Variants in DNM3 observed in about 807,000 individuals in gnomAD.
The protein encoded by DNM3 is dynamin-3.
DNM3 carries 47 observed loss-of-function variants against 101.6 expected under a neutral mutation model. The observed-to-expected ratio is 0.46, with a 90% CI of 0.37 to 0.59. The LOEUF (loss-of-function observed/expected upper bound fraction) is 0.59, where lower values mean the gene tolerates loss of function less well. DNM3 is among the 20% of genes least tolerant of loss of function. DNM3 has a pLI of 0.00. For missense variants in DNM3, 849 were observed against 1,085.7 expected, an observed-to-expected ratio of 0.78 and a Z score of 3.06; for synonymous variants, 385 against 387.9, an observed-to-expected ratio of 0.99 and a Z score of 0.09.
At position 172,407,906 on chromosome 1, in the gene DNM3, G is replaced by A. The variant is rs10489282; in HGVS notation, c.*65G>A. On this transcript the variant is annotated 3_prime_UTR_variant, in exon 21 of 21. Transcript: ENST00000627582. Reference sequence around the variant, plus strand: ...TGCGAAAGCAACATATTTGATAACCGTTGCAGTAAATCATGAGTAGTCGCA... The same window carrying A: ...TGCGAAAGCAACATATTTGATAACCATTGCAGTAAATCATGAGTAGTCGCA... 0.062 allele frequency: 99,696 copies of A among 1,609,546 alleles called. 3,472 individuals are homozygous for A. Among genetic ancestry groups the A allele is most frequent in the Middle Eastern group, 0.11 (671 of 6,050 alleles).
chr1:172,245,363 CA>C (rs1225509399), intron 14 of DNM3, among the ~76,000 whole-genome samples: 2 of 152,052 alleles, frequency 1.3e-5, no homozygotes, highest in African/African-American at 4.8e-5. Flanking sequence ...GAAAGTAAGA[CA>C]AAAGCACAAA....
At chr1:171,960,031 C>A (rs1344460323) in intron 2 of DNM3, among the ~76,000 whole-genome samples, 1 of 152,014 alleles carries the variant, frequency 6.6e-6, no homozygotes, top group African/African-American at 2.4e-5. Flanking sequence ...GGACTCTATT[C>A]AAAAATAGGA....
intron 20 of DNM3, among the ~76,000 whole-genome samples, chr1:172,397,623 C>T (rs2070119905): frequency 6.6e-6 from 1 of 152,168 alleles, no homozygotes; most frequent in Non-Finnish European, 1.5e-5. Flanking sequence ...ATAATTAATG[C>T]ATGAAAACTC....
chr1:172,283,441 A>G (rs1415274745), intron 15 of DNM3, among the ~76,000 whole-genome samples: 1 of 152,048 alleles, frequency 6.6e-6, no homozygotes, highest in Non-Finnish European at 1.5e-5. Flanking sequence ...CTTTTCAGTC[A>G]TTCCTCAAGT....
At position 172,085,641 on chromosome 1, in the gene DNM3, T is replaced by C. The variant is rs781079059; in HGVS notation, c.1493+3739T>C. 5.2e-4 allele frequency among the ~76,000 whole-genome samples: 79 copies of C among 152,166 alleles called. 2 individuals carry two copies. Among genetic ancestry groups the C allele is most frequent in the Admixed American group, 1.3e-4 (2 of 15,258 alleles). The stretch of plus-strand genomic sequence containing the variant: ...TTTTCTCACAGTTGAAATGATACAG[T>C]GTGCAGATTTCAGTTCTTGTTATTT... On this transcript the variant is annotated intron_variant, in intron 12 of 20. Coordinates refer to ENST00000627582, the MANE Select transcript of DNM3 (RefSeq NM_015569.5).
At chr1:172,244,522 A>G (rs1288632127) in intron 14 of DNM3, among the ~76,000 whole-genome samples, 1 of 151,684 alleles carries the variant, frequency 6.6e-6, no homozygotes, top group Admixed American at 6.6e-5. Flanking sequence ...AAAACAAACA[A>G]CCCCATCAAA....
intron 13 of DNM3, among the ~76,000 whole-genome samples, chr1:172,113,389 T>G (rs1373198329): frequency 6.6e-6 from 1 of 151,304 alleles, no homozygotes; most frequent in African/African-American, 2.5e-5. Flanking sequence ...ACAGATGTAC[T>G]CAAAGAAACT....
At position 171,948,340 on chromosome 1, in the gene DNM3, G is replaced by A. The variant is rs148979713; in HGVS notation, c.235+26519G>A. Among the ~76,000 whole-genome samples the A allele has an allele frequency of 3.3e-5, 5 of 152,324 alleles. No homozygotes were observed. In the East Asian group the frequency reaches 9.6e-4, roughly 29 times the overall value. On this transcript the variant is annotated intron_variant, in intron 2 of 20. Transcript: ENST00000627582. ...CAAGATACTAATGTATAATGGATAGGGAAAGTAGGAGGAGTTAATACTGAA... is the reference window on the plus strand; with the variant it reads ...CAAGATACTAATGTATAATGGATAGAGAAAGTAGGAGGAGTTAATACTGAA...
intron 4 of DNM3, among the ~76,000 whole-genome samples, chr1:172,017,957 T>A (rs2047559580): frequency 1.3e-5 from 2 of 152,162 alleles, no homozygotes; most frequent in African/African-American, 4.8e-5. Flanking sequence ...AATGCCCCTC[T>A]TTTCTCTTAA....
intron 17 of DNM3, among the ~76,000 whole-genome samples, chr1:172,332,142 A>G (rs1377579814): frequency 6.6e-6 from 1 of 152,206 alleles, no homozygotes; most frequent in Non-Finnish European, 1.5e-5. Flanking sequence ...TAACCATGCT[A>G]AAGTTTGAGA....
chr1:172,025,196 C>A (rs2048114551), intron 4 of DNM3, among the ~76,000 whole-genome samples: 1 of 152,238 alleles, frequency 6.6e-6, no homozygotes, highest in African/African-American at 2.4e-5. Context: ...GAAGTTCCAA[C>A]TGGGTGGAGC....
chr1:172,048,399 C>A (rs2049968227), intron 9 of DNM3, among the ~76,000 whole-genome samples: 1 of 152,130 alleles, frequency 6.6e-6, no homozygotes, highest in South Asian at 2.1e-4. Context: ...CTTTTTATTG[C>A]TGCGAAACAG....
chr1:172,136,022 T>C (rs17277008), intron 14 of DNM3, among the ~76,000 whole-genome samples: 31,835 of 151,920 alleles, frequency 0.21, 4,438 homozygotes, highest in Non-Finnish European at 0.32. Context: ...CATAATGAGC[T>C]ACTCCTAGGC....
At chr1:171,910,000 G>A (rs980028074) in intron 1 of DNM3, among the ~76,000 whole-genome samples, 2 of 152,148 alleles carry the variant, frequency 1.3e-5, no homozygotes, top group Non-Finnish European at 2.9e-5. Flanking sequence ...AGCACACTGC[G>A]GTTGGAATGT....
At chr1:172,097,421 G>A (rs1452282752) in intron 13 of DNM3, among the ~76,000 whole-genome samples, 1 of 151,882 alleles carries the variant, frequency 6.6e-6, no homozygotes, top group East Asian at 1.9e-4. Flanking sequence ...AAAAATAGAA[G>A]AAGGTGCTGA....
intron 14 of DNM3, among the ~76,000 whole-genome samples, chr1:172,159,948 A>G (rs1361077981): frequency 6.6e-6 from 1 of 151,950 alleles, no homozygotes; most frequent in African/African-American, 2.4e-5. Flanking sequence ...TAGGCTATAA[A>G]CCCATACAGC....
At chr1:172,054,804 C>A (rs1049261404) in intron 10 of DNM3, among the ~76,000 whole-genome samples, 5 of 152,092 alleles carry the variant, frequency 3.3e-5, no homozygotes, top group Non-Finnish European at 7.4e-5. Flanking sequence ...ACTAAAAATA[C>A]AAAACTTAGC....
rs1389326753 is a variant in DNM3, at chr1:172,411,033, A to G, written c.*3192A>G. ...TTTGAGTAGGTAGGTAGGTTTTAAA[A>G]ATACTAGTTAAAATGCCACAAGCAT... On this transcript the variant is annotated 3_prime_UTR_variant, in exon 21 of 21. Coordinates refer to ENST00000627582, the MANE Select transcript of DNM3 (RefSeq NM_015569.5). The G allele has an allele frequency of 2.0e-6, 2 of 985,108 alleles. No individual in the cohort carries two copies. The highest frequency in any genetic ancestry group is 6.2e-5 in the Admixed American group (1 of 16,250). The allele number at this position is 985,108 out of a possible 1,614,324, so 61.0% of individuals were successfully genotyped here.
At chr1:172,375,318 A>G (rs1210758396) in intron 17 of DNM3, among the ~76,000 whole-genome samples, 1 of 151,994 alleles carries the variant, frequency 6.6e-6, no homozygotes, top group Non-Finnish European at 1.5e-5. Context: ...TTGGAAACAC[A>G]TGTTTTGTCT....
Sources: gnomAD v4.1 joint callset for allele counts (sites outside exome capture counted in the v4.1 genomes callset) on GRCh38, gnomAD v4.1.1 for gene constraint, MANE v1.5 for transcripts, NCBI Gene and HGNC (gene_info 2026-07-23, HGNC 2026-07-21) for gene names.